Variants in G3BP1 observed in about 807,000 individuals in gnomAD.
G3BP1 encodes G3BP stress granule assembly factor 1.
G3BP1 carries 35 observed loss-of-function variants against 58.6 expected under a neutral mutation model. That is an observed-to-expected ratio of 0.60 (90% CI 0.46 to 0.79). The LOEUF (loss-of-function observed/expected upper bound fraction) is 0.79, where lower values mean the gene tolerates loss of function less well. Ranked by LOEUF, G3BP1 falls within the 30% of genes least tolerant of loss-of-function variation. The pLI, the probability that G3BP1 is intolerant of heterozygous loss-of-function variation, is 0.00. For synonymous variants in G3BP1, 191 were observed against 195.4 expected, an observed-to-expected ratio of 0.98 and a Z score of 0.19; for missense variants, 523 against 580.8, an observed-to-expected ratio of 0.90 and a Z score of 1.02.
chr5:151,773,386 T>G (rs1649846875), intron 1 of G3BP1, among the ~76,000 whole-genome samples: 1 of 152,180 alleles, frequency 6.6e-6, no homozygotes, highest in South Asian at 2.1e-4. Context: ...GTGTTGGAGA[T>G]GTGTTGGAAA....
chr5:151,790,132 G>T lies in G3BP1; in HGVS notation c.96-191G>T, dbSNP rs193054522. On this transcript the variant is annotated intron_variant, in intron 2 of 11. Transcript: ENST00000356245. The stretch of plus-strand genomic sequence containing the variant: ...GAGCAAAAAAAAAAAAAAAAAAAAT[G>T]TGCACATCAAAGATCATAGCCCCGG... Among the ~76,000 whole-genome samples the T allele has an allele frequency of 8.9e-3, 1,272 of 142,136 alleles. 16 individuals carry two copies. Among genetic ancestry groups the T allele is most frequent in the African/African-American group, 0.032 (1,216 of 38,148 alleles). 93.2% of individuals were successfully genotyped at this position (142,136 alleles called of 152,430 possible).
Position 151,790,321 on chromosome 5 carries a change from A to G in G3BP1, c.96-2A>G, listed in dbSNP as rs536298090. 6.7e-7 allele frequency: 1 copy of G among 1,497,892 alleles called. No homozygotes were observed. Among genetic ancestry groups the G allele is most frequent in the African/African-American group, 1.4e-5 (1 of 70,844 alleles). The allele number at this position is 1,497,892 out of a possible 1,614,324, so 92.8% of individuals were successfully genotyped here. ...CAAGTAAATCATCTTCCCATTTTACAGATTTTATGGAAAGAACTCTTCTTA... is the reference window on the plus strand; with the variant it reads ...CAAGTAAATCATCTTCCCATTTTACGGATTTTATGGAAAGAACTCTTCTTA... On this transcript the variant is annotated splice_acceptor_variant, in intron 2 of 11. Transcript: ENST00000356245. LOFTEE classifies it high-confidence loss of function.
At position 151,807,060 on chromosome 5, in the gene G3BP1, G is replaced by C. The variant is rs1415634988; in HGVS notation, c.*2969G>C. The C allele has an allele frequency of 2.0e-5, 3 of 152,254 alleles. No homozygotes were observed. The highest frequency in any genetic ancestry group is 2.0e-4 in the Admixed American group (3 of 15,292). 9.4% of individuals were successfully genotyped at this position (152,254 alleles called of 1,614,324 possible). ...TAGTGGTGAGGTTGGGTTTTACTTT[G>C]TGTATTCCAGCGTTCTCAACTTTGT... On this transcript the variant is annotated 3_prime_UTR_variant, in exon 12 of 12. Coordinates refer to ENST00000356245, the MANE Select transcript of G3BP1 (RefSeq NM_005754.3).
intron 6 of G3BP1, among the ~76,000 whole-genome samples, chr5:151,796,858 A>G (rs868519278): frequency 2.8e-4 from 42 of 152,122 alleles, no homozygotes; most frequent in African/African-American, 8.9e-4. Flanking sequence ...TAAACAGACT[A>G]TACCCATTGA....
intron 11 of G3BP1, 103 bp from the exon 12 acceptor site, chr5:151,803,782 C>T: frequency 1.3e-6 from 1 of 770,368 alleles, no homozygotes. Flanking sequence ...GCATGAGTCA[C>T]CGTGCCCAGC....
chr5:151,807,217 C>T lies in G3BP1; in HGVS notation c.*3126C>T, dbSNP rs1430064078. The T allele has an allele frequency of 6.6e-6, 1 of 152,092 alleles. No individual in the cohort carries two copies. Among genetic ancestry groups the T allele is most frequent in the Non-Finnish European group, 1.5e-5 (1 of 68,010 alleles). 9.4% of individuals were successfully genotyped at this position (152,092 alleles called of 1,614,324 possible). A position where few individuals can be genotyped will look rare whatever the true frequency, so the allele number is the denominator to read the frequency against. ...AAAGTTAATTTTCACATCTGTGCTG[C>T]GGGTTAGGTGATATTGTCCTCAGCA... On this transcript the variant is annotated 3_prime_UTR_variant, in exon 12 of 12. Coordinates refer to ENST00000356245, the MANE Select transcript of G3BP1 (RefSeq NM_005754.3).
At chr5:151,796,413 C>T (rs1299833164) in intron 6 of G3BP1, among the ~76,000 whole-genome samples, 14 of 152,114 alleles carry the variant, frequency 9.2e-5, no homozygotes, top group Admixed American at 4.6e-4. Context: ...GGACTACAGG[C>T]GCACGCCACC....
intron 11 of G3BP1, among the ~76,000 whole-genome samples, chr5:151,801,130 T>G (rs1464799630): frequency 1.3e-5 from 2 of 152,204 alleles, no homozygotes; most frequent in Admixed American, 1.3e-4. Flanking sequence ...CACTGAGATT[T>G]ACGTAACTAC....
At chr5:151,800,074 AT>A (rs1350886246) in intron 9 of G3BP1, 74 bp downstream of exon 9, 7 of 1,179,208 alleles carry the variant, frequency 5.9e-6, no homozygotes, top group Non-Finnish European at 8.6e-6. Context: ...GGCAGTTGAT[AT>A]TTATATACTT....
intron 1 of G3BP1, among the ~76,000 whole-genome samples, chr5:151,773,620 A>G (rs1762316584): frequency 6.6e-6 from 1 of 152,238 alleles, no homozygotes. Context: ...ACACTTCTAT[A>G]AACATAAAGA....
rs1440579929 is a variant in G3BP1 at position 151,812,102 on chromosome 5, A to AT, written c.*8013dup. On this transcript the variant is annotated 3_prime_UTR_variant, in exon 12 of 12. Transcript: ENST00000356245. ...ATCATAGCACTATGTTGCTGAGCTA[A>AT]TTCATGCTGCCCAGCTAAGCACATT... The AT allele has an allele frequency of 6.6e-6, 1 of 152,184 alleles. No individual in the cohort carries two copies. Among genetic ancestry groups the AT allele is most frequent in the Non-Finnish European group, 1.5e-5 (1 of 68,026 alleles). 9.4% of individuals were successfully genotyped at this position (152,184 alleles called of 1,614,324 possible).
At chr5:151,788,299 G>A (rs1762585957) in intron 2 of G3BP1, among the ~76,000 whole-genome samples, 2 of 152,106 alleles carry the variant, frequency 1.3e-5, no homozygotes, top group African/African-American at 4.8e-5. Context: ...TTGTAAGAGA[G>A]TTAACTTCAT....
At chr5:151,801,625 A>G in intron 11 of G3BP1, among the ~76,000 whole-genome samples, 1 of 152,154 alleles carries the variant, frequency 6.6e-6, no homozygotes, top group South Asian at 2.1e-4. Context: ...AAAGTTTTTT[A>G]CTAAAAGCCA....
intron 7 of G3BP1, among the ~76,000 whole-genome samples, chr5:151,798,533 A>C (rs941030940): frequency 5.3e-5 from 8 of 152,234 alleles, no homozygotes; most frequent in African/African-American, 1.9e-4. Context: ...TGTGCGAGAA[A>C]GGTGTTTATG....
At position 151,777,710 on chromosome 5, in the gene G3BP1, C is replaced by T. The variant is rs545975206; in HGVS notation, c.-50+5674C>T. The stretch of plus-strand genomic sequence containing the variant: ...TCATGCTACTGCACTCCAGCCTGGG[C>T]GACACAGGAGACTCTTAAAAGAAGG... On this transcript the variant is annotated intron_variant, in intron 1 of 11. Transcript: ENST00000356245. Among the ~76,000 whole-genome samples, 15 of 152,224 alleles carry T rather than the reference C, an allele frequency of 9.9e-5. No individual in the cohort carries two copies. The South Asian group carries it at 2.3e-3, about 23-fold the overall frequency.
At chr5:151,774,245 G>T (rs1171296622) in intron 1 of G3BP1, among the ~76,000 whole-genome samples, 1 of 152,130 alleles carries the variant, frequency 6.6e-6, no homozygotes. Flanking sequence ...AACTCAGTTT[G>T]CTGTTCCTGA....
rs868713127 is a variant in G3BP1, at chr5:151,804,220, T to A, written c.*129T>A. On this transcript the variant is annotated 3_prime_UTR_variant, in exon 12 of 12. Transcript: ENST00000356245. ...ACTGCTTAAGTTTGTATAATTTTAC[T>A]TTTTTTGTGTGTTAATGGTGTGTGC... 6.8e-6 allele frequency: 4 copies of A among 585,648 alleles called. No individual in the cohort carries two copies. The highest frequency in any genetic ancestry group is 7.8e-4 in the Middle Eastern group (2 of 2,554). 36.3% of individuals were successfully genotyped at this position (585,648 alleles called of 1,614,324 possible).
rs1489246113 is a variant in G3BP1 at position 151,806,092 on chromosome 5, A to T, written c.*2001A>T. ...TTGGAGAGACATGCATCTGGCATTT[A>T]TTGGGTGGGGTCTAAGGATACCAAA... On this transcript the variant is annotated 3_prime_UTR_variant, in exon 12 of 12. Coordinates refer to ENST00000356245, the MANE Select transcript of G3BP1 (RefSeq NM_005754.3). The T allele has an allele frequency of 6.6e-6, 1 of 152,170 alleles. No homozygotes were observed. The highest frequency in any genetic ancestry group is 2.4e-5 in the African/African-American group (1 of 41,436). 9.4% of individuals were successfully genotyped at this position (152,170 alleles called of 1,614,324 possible). A position where few individuals can be genotyped will look rare whatever the true frequency, so the allele number is the denominator to read the frequency against.
At chr5:151,784,938 A>G (rs373040101) in intron 1 of G3BP1, among the ~76,000 whole-genome samples, 1 of 152,228 alleles carries the variant, frequency 6.6e-6, no homozygotes, top group East Asian at 1.9e-4. Flanking sequence ...TCAGTACAAG[A>G]GTGTTGAAAA....
Sources: allele counts gnomAD v4.1 joint callset (sites outside exome capture counted in the v4.1 genomes callset), GRCh38; gene constraint gnomAD v4.1.1; transcripts MANE v1.5; gene names NCBI Gene and HGNC (gene_info 2026-07-23, HGNC 2026-07-21).